MCTP2: variants seen among roughly 807,000 people sequenced by gnomAD.
MCTP2 encodes the protein multiple C2 and transmembrane domain containing 2.
In MCTP2, 132 loss-of-function variants were observed where a neutral mutation model predicts 111.6. That is an observed-to-expected ratio of 1.18 (90% CI 1.03 to 1.37). The LOEUF is 1.37. Ranked by LOEUF, MCTP2 falls within the 40% of genes most tolerant of loss-of-function variation. The pLI, the probability that MCTP2 is intolerant of heterozygous loss-of-function variation, is 0.00. For synonymous variants in MCTP2, 395 were observed against 387.7 expected (o/e 1.02, Z -0.22); for missense variants, 1,183 against 1,067.9 (o/e 1.11, Z -1.50).
intron 8 of MCTP2, among the ~76,000 whole-genome samples, chr15:94,353,869 AC>A (rs2078452218): frequency 6.6e-6 from 1 of 152,200 alleles, no homozygotes; most frequent in Non-Finnish European, 1.5e-5. Flanking sequence ...ATCTATATAA[AC>A]ATCTATAGAT....
At position 94,339,383 on chromosome 15, in the gene MCTP2, A is replaced by G; in HGVS notation, c.731A>G (p.Glu244Gly). The stretch of plus-strand genomic sequence containing the variant: ...AAGAACTTGAACCCAGTATGGGATG[A>G]GATAGTTGTATTGCCAATCCAAAGC... ...IYKNLNPVWDEIVVLPIQSLD... is the reference protein window; with the variant it reads ...IYKNLNPVWDGIVVLPIQSLD... Residue 244 changes from glutamate to glycine, a missense_variant, in exon 5 of 23, where the codon GAG becomes GGG. Physicochemically the swap from Glu to Gly is moderately conservative, Grantham distance 98. Transcript: ENST00000357742. 1 of 1,611,878 alleles carries G rather than the reference A, an allele frequency of 6.2e-7. No individual in the cohort carries two copies. The highest frequency in any genetic ancestry group is 8.5e-7 in the Non-Finnish European group (1 of 1,178,752).
At chr15:94,461,018 GAT>G (rs2085169432) in intron 20 of MCTP2, among the ~76,000 whole-genome samples, 1 of 146,234 alleles carries the variant, frequency 6.8e-6, no homozygotes, top group African/African-American at 2.5e-5. Context: ...CCCTGATACT[GAT>G]GGGTTGGGGG....
chr15:94,363,088 TTTAG>T (rs996584254), intron 10 of MCTP2, among the ~76,000 whole-genome samples: 1 of 152,168 alleles, frequency 6.6e-6, no homozygotes, highest in Non-Finnish European at 1.5e-5. Context: ...CTGCAAAAGA[TTTAG>T]TTAGTTCAAG....
At position 94,354,951 on chromosome 15, in the gene MCTP2, G is replaced by A. The variant is rs141950529; in HGVS notation, c.1006-1186G>A. Reference sequence around the variant, plus strand: ...TAGAAATTCATTGCTCGACGATGATGCTCAGCACCATTTACATTCTTCAGC... The same window carrying A: ...TAGAAATTCATTGCTCGACGATGATACTCAGCACCATTTACATTCTTCAGC... On this transcript the variant is annotated intron_variant, in intron 8 of 22. Coordinates refer to ENST00000357742, the MANE Select transcript of MCTP2 (RefSeq NM_001385001.1). Among the ~76,000 whole-genome samples, 637 of 152,322 alleles carry A rather than the reference G, an allele frequency of 4.2e-3. 2 individuals are homozygous for A. The highest frequency in any genetic ancestry group is 0.015 in the African/African-American group (613 of 41,568).
At chr15:94,406,743 C>T (rs1181199270) in intron 17 of MCTP2, among the ~76,000 whole-genome samples, 2 of 152,076 alleles carry the variant, frequency 1.3e-5, no homozygotes, top group Admixed American at 6.6e-5. Context: ...ACTTGTTTTT[C>T]CCCACCTTTG....
intron 12 of MCTP2, among the ~76,000 whole-genome samples, chr15:94,380,503 C>T (rs370388619): frequency 8.1e-4 from 124 of 152,272 alleles, no homozygotes; most frequent in African/African-American, 2.8e-3. Context: ...CATGGTGGCT[C>T]ATGCCTGTAA....
chr15:94,453,091 CTAAT>C (rs1488087687), intron 19 of MCTP2, among the ~76,000 whole-genome samples: 2 of 152,164 alleles, frequency 1.3e-5, no homozygotes, highest in Non-Finnish European at 2.9e-5. Context: ...TTTTCATTTA[CTAAT>C]TATCCTCATT....
intron 17 of MCTP2, among the ~76,000 whole-genome samples, chr15:94,436,369 TA>T (rs946783987): frequency 8.6e-5 from 13 of 151,978 alleles, no homozygotes; most frequent in African/African-American, 3.1e-4. Context: ...ACTTTTTTTC[TA>T]AAAAAAATAT....
chr15:94,420,288 T>C (rs891649080), intron 17 of MCTP2, among the ~76,000 whole-genome samples: 2 of 152,162 alleles, frequency 1.3e-5, no homozygotes, highest in African/African-American at 4.8e-5. Flanking sequence ...AGATATACAA[T>C]GAGATTAATG....
intron 17 of MCTP2, among the ~76,000 whole-genome samples, chr15:94,417,640 T>C (rs778061306): frequency 2.0e-5 from 3 of 152,102 alleles, no homozygotes; most frequent in South Asian, 4.1e-4. Flanking sequence ...CCTAACAGCA[T>C]TTCTAAGGGA....
chr15:94,243,464 C>T (rs1363970337), intron 1 of MCTP2, among the ~76,000 whole-genome samples: 1 of 93,456 alleles, frequency 1.1e-5, no homozygotes. Flanking sequence ...CATGCGTATG[C>T]GTATATGCGT....
intron 1 of MCTP2, among the ~76,000 whole-genome samples, chr15:94,240,894 C>T (rs144926461): frequency 1.5e-4 from 23 of 152,258 alleles, no homozygotes; most frequent in African/African-American, 5.1e-4. Context: ...TAAATATATA[C>T]AGATGTTGGC....
At chr15:94,242,835 T>C (rs1409930400) in intron 1 of MCTP2, among the ~76,000 whole-genome samples, 1 of 151,184 alleles carries the variant, frequency 6.6e-6, no homozygotes, top group African/African-American at 2.4e-5. Context: ...GTAGTTACCG[T>C]ATGATTTGAT....
chr15:94,359,428 T>C (rs1348614233), intron 10 of MCTP2, among the ~76,000 whole-genome samples: 2 of 152,190 alleles, frequency 1.3e-5, no homozygotes, highest in African/African-American at 2.4e-5. Flanking sequence ...ATATTATTTG[T>C]ACACAGATCT....
At chr15:94,469,245 A>G (rs2073697858) in intron 20 of MCTP2, among the ~76,000 whole-genome samples, 1 of 152,204 alleles carries the variant, frequency 6.6e-6, no homozygotes, top group Non-Finnish European at 1.5e-5. Context: ...AAGACCATTA[A>G]GAAGAAATAC....
At chr15:94,369,584 T>G (rs1400845547) in intron 11 of MCTP2, among the ~76,000 whole-genome samples, 2 of 151,986 alleles carry the variant, frequency 1.3e-5, no homozygotes, top group African/African-American at 4.8e-5. Flanking sequence ...ATGAGCTAGC[T>G]AAAACAGACC....
At chr15:94,383,964 G>T in intron 12 of MCTP2, 58 bp from the exon 13 acceptor site, 1 of 1,223,786 alleles carries the variant, frequency 8.2e-7, no homozygotes. Flanking sequence ...TGTTCACATT[G>T]CCCTTGTCCC....
At chr15:94,306,417 G>A (rs2075882312) in intron 2 of MCTP2, among the ~76,000 whole-genome samples, 1 of 152,208 alleles carries the variant, frequency 6.6e-6, no homozygotes, top group Non-Finnish European at 1.5e-5. Context: ...CATCCAGCTA[G>A]TAAGTGTCAG....
intron 4 of MCTP2, among the ~76,000 whole-genome samples, chr15:94,336,090 G>A (rs1211134539): frequency 6.6e-6 from 1 of 152,150 alleles, no homozygotes; most frequent in African/African-American, 2.4e-5. Context: ...CGACTCATCT[G>A]TTTTTTACAA....
Sources: gnomAD v4.1 joint callset for allele counts (sites outside exome capture counted in the v4.1 genomes callset) on GRCh38, gnomAD v4.1.1 for gene constraint, MANE v1.5 for transcripts, NCBI Gene and HGNC (gene_info 2026-07-23, HGNC 2026-07-21) for gene names.